The following PHF21A variants were observed in gnomAD, a reference collection of about 807,000 sequenced individuals.
The protein encoded by PHF21A is PHD finger protein 21A.
Under a neutral mutation model 82.5 loss-of-function variants are expected in PHF21A, and 11 were observed. That is an observed-to-expected ratio of 0.13 (90% CI 0.08 to 0.22). The LOEUF (loss-of-function observed/expected upper bound fraction) is 0.22. Among genes scored for constraint, PHF21A ranks in the 10% least tolerant of loss-of-function variants. The pLI is 1.00. For synonymous variants in PHF21A, 297 were observed against 302.8 expected (o/e 0.98, Z 0.20); for missense variants, 579 against 837.8 (o/e 0.69, Z 3.81).
intron 6 of PHF21A, among the ~76,000 whole-genome samples, chr11:46,034,289 T>C (rs541346341): frequency 1.4e-3 from 214 of 151,272 alleles, no homozygotes; most frequent in African/African-American, 4.8e-3. Context: ...GAACTCTTTA[T>C]ATGTAAGACT....
chr11:46,011,840 A>ATT (rs1252802573), intron 6 of PHF21A, among the ~76,000 whole-genome samples: 1 of 152,164 alleles, frequency 6.6e-6, no homozygotes, highest in South Asian at 2.1e-4. Flanking sequence ...CCTTCTTTTT[A>ATT]TTCTCTCTAT....
intron 7 of PHF21A, among the ~76,000 whole-genome samples, 197 bp from the exon 8 acceptor site, chr11:45,971,564 T>TTG (rs1387849127): frequency 2.0e-5 from 3 of 152,206 alleles, no homozygotes; most frequent in Non-Finnish European, 4.4e-5. Context: ...ATCTCTAGTT[T>TTG]TCAAGAGTTC....
At chr11:45,962,801 G>A (rs2093183662) in intron 10 of PHF21A, among the ~76,000 whole-genome samples, 1 of 151,878 alleles carries the variant, frequency 6.6e-6, no homozygotes, top group South Asian at 2.1e-4. Context: ...GTTGAGGCAG[G>A]AGAATGGCAT....
intron 3 of PHF21A, 51 bp from the exon 4 acceptor site, chr11:46,084,353 T>A: frequency 1.7e-6 from 1 of 574,026 alleles, no homozygotes; most frequent in Non-Finnish European, 2.9e-6. Flanking sequence ...ATAAATATAA[T>A]ATTTATGTTA....
intron 6 of PHF21A, among the ~76,000 whole-genome samples, chr11:46,069,524 T>G (rs2096632177): frequency 6.6e-6 from 1 of 151,930 alleles, no homozygotes; most frequent in Non-Finnish European, 1.5e-5. Context: ...TAGTCATATA[T>G]CAGGTAACCA....
chr11:45,976,448 G>A (rs2094026204), intron 7 of PHF21A, among the ~76,000 whole-genome samples: 1 of 152,120 alleles, frequency 6.6e-6, no homozygotes, highest in Admixed American at 6.5e-5. Context: ...AATATTTACA[G>A]AATGAATAAA....
intron 6 of PHF21A, among the ~76,000 whole-genome samples, chr11:46,000,229 T>C (rs1031276646): frequency 6.6e-6 from 1 of 152,214 alleles, no homozygotes; most frequent in Admixed American, 6.5e-5. Flanking sequence ...CACTATGCTA[T>C]GCAAACAAAT....
In PHF21A at chr11:45,931,652, T is replaced by C. The variant is rs1438886152; in HGVS notation, c.*2316A>G. 6.6e-6 allele frequency: 1 copy of C among 152,204 alleles called. No individual in the cohort carries two copies. Among genetic ancestry groups the C allele is most frequent in the African/African-American group, 2.4e-5 (1 of 41,422 alleles). The allele number at this position is 152,204 out of a possible 1,614,324, so 9.4% of individuals were successfully genotyped here. ...CTTTGTCTCTCTGGGCCTAATTGGG[T>C]GGGAGAGAAGCTGATAGGATCGTTT... is the stretch of plus-strand genomic sequence containing the variant. On this transcript the variant is annotated 3_prime_UTR_variant, in exon 19 of 19. Coordinates refer to ENST00000676320, the MANE Select transcript of PHF21A (RefSeq NM_001352027.3).
intron 15 of PHF21A, among the ~76,000 whole-genome samples, chr11:45,939,027 G>T (rs991200754): frequency 1.3e-5 from 2 of 152,054 alleles, no homozygotes; most frequent in African/African-American, 4.8e-5. Flanking sequence ...TAGAGACGGG[G>T]TTTCACGTGT....
intron 6 of PHF21A, among the ~76,000 whole-genome samples, chr11:46,030,825 G>A (rs923284488): frequency 8.8e-6 from 1 of 113,562 alleles, no homozygotes; most frequent in African/African-American, 3.6e-5. Flanking sequence ...GTGTGCGTGT[G>A]TGTGCGTGTG....
chr11:45,938,619 C>G (rs1267011343), intron 15 of PHF21A, among the ~76,000 whole-genome samples: 11 of 152,080 alleles, frequency 7.2e-5, no homozygotes, highest in Non-Finnish European at 1.6e-4. Flanking sequence ...CACAGACCCA[C>G]AATAAAGTTT....
chr11:45,935,741 TAA>T lies in PHF21A; in HGVS notation c.1685-4_1685-3del, dbSNP rs35995547. ...ACTTCTGTTTCTCTTCTTCTTTTGC[TAA>T]AAAAAAAAAAAAAAAAAAAAAGGAA... On this transcript the variant is annotated splice_region_variant and splice_polypyrimidine_tract_variant and intron_variant, in intron 17 of 18. Coordinates refer to ENST00000676320, the MANE Select transcript of PHF21A (RefSeq NM_001352027.3). The T allele has an allele frequency of 0.16, 83,030 of 517,128 alleles. 44 individuals are homozygous for T. The highest frequency in any genetic ancestry group is 0.18 in the East Asian group (5,219 of 29,198). 32.0% of individuals were successfully genotyped at this position (517,128 alleles called of 1,614,324 possible).
chr11:45,951,607 A>T (rs2092122236), intron 11 of PHF21A, among the ~76,000 whole-genome samples: 1 of 152,170 alleles, frequency 6.6e-6, no homozygotes, highest in South Asian at 2.1e-4. Context: ...TATTCCTTAG[A>T]AATATAATCA....
intron 16 of PHF21A, 138 bp downstream of exon 16, chr11:45,938,019 G>A (rs2089489711): frequency 1.5e-6 from 1 of 681,590 alleles, no homozygotes; most frequent in Admixed American, 3.1e-5. Flanking sequence ...TGCGTGCTGT[G>A]TCATAAACAG....
chr11:45,974,273 C>G (rs1330620556), intron 7 of PHF21A, among the ~76,000 whole-genome samples: 1 of 152,014 alleles, frequency 6.6e-6, no homozygotes, highest in Non-Finnish European at 1.5e-5. Context: ...CTTCTTCTTT[C>G]CCAAGTATTA....
At chr11:46,074,461 G>GC (rs1565863528) in intron 6 of PHF21A, among the ~76,000 whole-genome samples, 48 of 150,700 alleles carry the variant, frequency 3.2e-4, no homozygotes, top group African/African-American at 1.1e-3. Flanking sequence ...CTTTTGGCGG[G>GC]AGGGGGGAAG....
Position 46,084,234 on chromosome 11 carries a change from A to G in PHF21A, c.-15T>C, listed in dbSNP as rs1161027513. ...TGCAACTCCATCCTCTACCTTCTCC[A>G]CTTTCTCTGCTAATTCTATAGTTTC... On this transcript the variant is annotated 5_prime_UTR_variant, in exon 4 of 19. Transcript: ENST00000676320. The G allele has an allele frequency of 2.5e-6, 4 of 1,590,810 alleles. No homozygotes were observed. Among genetic ancestry groups the G allele is most frequent in the Non-Finnish European group, 2.6e-6 (3 of 1,171,088 alleles).
intron 6 of PHF21A, among the ~76,000 whole-genome samples, chr11:46,006,035 C>T (rs1591862225): frequency 6.6e-6 from 1 of 152,166 alleles, no homozygotes; most frequent in Non-Finnish European, 1.5e-5. Context: ...TAATATAAAA[C>T]AGTCTTTGTA....
intron 6 of PHF21A, among the ~76,000 whole-genome samples, chr11:46,057,997 T>C (rs897750599): frequency 6.6e-6 from 1 of 152,212 alleles, no homozygotes; most frequent in Non-Finnish European, 1.5e-5. Flanking sequence ...TTTCCTACTT[T>C]GCAAACGTTT....
Sources: allele counts gnomAD v4.1 joint callset (sites outside exome capture counted in the v4.1 genomes callset), GRCh38; gene constraint gnomAD v4.1.1; transcripts MANE v1.5; gene names NCBI Gene and HGNC (gene_info 2026-07-23, HGNC 2026-07-21).